The following IQSEC1 variants were observed in gnomAD, a reference collection of about 807,000 sequenced individuals.
IQSEC1 encodes IQ motif and Sec7 domain ArfGEF 1, also known as IQ motif and SEC7 domain-containing protein 1.
IQSEC1 carries 31 observed loss-of-function variants against 91.0 expected under a neutral mutation model. The ratio of observed to expected loss-of-function variants is 0.34; its 90% CI spans 0.26 to 0.46. IQSEC1 has a LOEUF of 0.46. Among genes scored for constraint, IQSEC1 ranks in the 20% least tolerant of loss-of-function variants. IQSEC1 has a pLI of 1.00. For synonymous variants in IQSEC1, 699 were observed against 662.6 expected, an observed-to-expected ratio of 1.05 and a Z score of -0.84; for missense variants, 1,388 against 1,575.6, an observed-to-expected ratio of 0.88 and a Z score of 2.02.
intron 2 of IQSEC1, among the ~76,000 whole-genome samples, chr3:13,114,596 G>C (rs1056235721): frequency 6.6e-6 from 1 of 152,012 alleles, no homozygotes; most frequent in Middle Eastern, 3.4e-3. Context: ...GTTCAATATC[G>C]GCCTGGGCAA....
chr3:12,932,091 G>C (rs567024318), intron 3 of IQSEC1, among the ~76,000 whole-genome samples: 6 of 152,330 alleles, frequency 3.9e-5, no homozygotes, highest in African/African-American at 1.2e-4. Flanking sequence ...TTCCAGGGAG[G>C]AATGTGACAG....
intron 1 of IQSEC1, among the ~76,000 whole-genome samples, chr3:13,055,825 C>T (rs945866736): frequency 2.6e-5 from 4 of 152,128 alleles, no homozygotes; most frequent in Admixed American, 6.5e-5. Flanking sequence ...GACCTCGGAA[C>T]ATCCTGGCGG....
chr3:13,114,462 A>G (rs1706302754), intron 2 of IQSEC1, among the ~76,000 whole-genome samples: 1 of 152,126 alleles, frequency 6.6e-6, no homozygotes, highest in Non-Finnish European at 1.5e-5. Context: ...TTGTGTTGTT[A>G]TTTCAAATTT....
rs1693895572 is a variant in IQSEC1 at position 12,898,707 on chromosome 3, T to C, written c.*2276A>G. ...CAGAAGAGGGTGAGAAAAGCTGACA[T>C]ACTCAATATGTAATCGCTTTACTTC... is the stretch of plus-strand genomic sequence containing the variant. On this transcript the variant is annotated 3_prime_UTR_variant, in exon 14 of 14. Transcript: ENST00000613206. 6.6e-6 allele frequency: 1 copy of C among 152,320 alleles called. No homozygotes were observed. The highest frequency in any genetic ancestry group is 6.5e-5 in the Admixed American group (1 of 15,290). 9.4% of individuals were successfully genotyped at this position (152,320 alleles called of 1,614,324 possible). A position where few individuals can be genotyped will look rare whatever the true frequency, so the allele number is the denominator to read the frequency against.
intron 2 of IQSEC1, among the ~76,000 whole-genome samples, chr3:13,135,418 A>G (rs1333469674): frequency 2.0e-5 from 3 of 152,212 alleles, no homozygotes; most frequent in African/African-American, 7.2e-5. Flanking sequence ...CTACTGCTAC[A>G]CGGGCCAGGG....
At chr3:13,269,247 C>G (rs908206237) in intron 1 of IQSEC1, among the ~76,000 whole-genome samples, 9 of 152,186 alleles carry the variant, frequency 5.9e-5, no homozygotes, top group African/African-American at 9.7e-5. Flanking sequence ...CAGGCAGGAG[C>G]GAGGCTGCTT....
intron 1 of IQSEC1, among the ~76,000 whole-genome samples, chr3:12,965,238 T>C (rs895738648): frequency 6.6e-6 from 1 of 152,218 alleles, no homozygotes; most frequent in African/African-American, 2.4e-5. Flanking sequence ...CTGTTATTTG[T>C]AGAGTGGTGC....
chr3:12,922,276 C>T lies in IQSEC1; in HGVS notation c.1731-34G>A. On this transcript the variant is annotated intron_variant, in intron 4 of 13. Transcript: ENST00000613206. The surrounding 1 kb of genome is among the most constrained non-coding windows in gnomAD (Gnocchi z 5.1). ...GAGACAGACAGCCCCGCATAAGCAC[C>T]CCTTGCAGGTGCGACACGCCCAGCC... is the stretch of plus-strand genomic sequence containing the variant. 1 of 1,518,018 alleles carries T rather than the reference C, an allele frequency of 6.6e-7. No individual in the cohort carries two copies. Among genetic ancestry groups the T allele is most frequent in the East Asian group, 2.5e-5 (1 of 40,092 alleles). The allele number at this position is 1,518,018 out of a possible 1,614,324, so 94.0% of individuals were successfully genotyped here.
chr3:13,184,290 A>C (rs981533367), intron 1 of IQSEC1, among the ~76,000 whole-genome samples: 9 of 152,214 alleles, frequency 5.9e-5, no homozygotes, highest in African/African-American at 2.2e-4. Flanking sequence ...AAATCCCACA[A>C]TGAAGCTGGT....
chr3:12,982,954 T>G (rs1701540752), intron 1 of IQSEC1, among the ~76,000 whole-genome samples: 1 of 152,256 alleles, frequency 6.6e-6, no homozygotes, highest in African/African-American at 2.4e-5. Flanking sequence ...GGTAACCCTG[T>G]CCTGAGGCTG....
intron 2 of IQSEC1, among the ~76,000 whole-genome samples, chr3:13,085,740 A>G (rs778825989): frequency 1.3e-5 from 2 of 152,254 alleles, no homozygotes; most frequent in Non-Finnish European, 2.9e-5. Context: ...ACAGACGGAC[A>G]GGAGGCCCGA....
chr3:13,197,424 G>C (rs1394539820), intron 1 of IQSEC1, among the ~76,000 whole-genome samples: 1 of 152,140 alleles, frequency 6.6e-6, no homozygotes, highest in African/African-American at 2.4e-5. Flanking sequence ...GGACGTGCTG[G>C]TGCCCGGCCC....
At chr3:13,235,444 C>G (rs1432204870) in intron 1 of IQSEC1, among the ~76,000 whole-genome samples, 1 of 152,242 alleles carries the variant, frequency 6.6e-6, no homozygotes, top group East Asian at 1.9e-4. Context: ...CTCCAGAAAC[C>G]TCCCTGCTCA....
At chr3:13,241,105 G>A (rs1326016111) in intron 1 of IQSEC1, among the ~76,000 whole-genome samples, 1 of 152,148 alleles carries the variant, frequency 6.6e-6, no homozygotes, top group East Asian at 1.9e-4. Context: ...CCTTGTCAAC[G>A]CCTCATGTCC....
intron 1 of IQSEC1, among the ~76,000 whole-genome samples, chr3:13,027,113 C>T (rs756311234): frequency 3.9e-5 from 6 of 152,138 alleles, no homozygotes; most frequent in Non-Finnish European, 7.4e-5. Flanking sequence ...ACCCTGGATC[C>T]CCCTTCTCAA....
At chr3:13,034,999 C>G (rs1479440457) in intron 1 of IQSEC1, among the ~76,000 whole-genome samples, 2 of 152,274 alleles carry the variant, frequency 1.3e-5, no homozygotes, top group Non-Finnish European at 2.9e-5. Context: ...CCAGTGGTCC[C>G]TGGAGGCTCT....
At chr3:13,217,466 G>T (rs1190073626) in intron 1 of IQSEC1, among the ~76,000 whole-genome samples, 1 of 152,176 alleles carries the variant, frequency 6.6e-6, no homozygotes, top group African/African-American at 2.4e-5. Context: ...TCCACTGTGT[G>T]GAAGTACCAA....
At chr3:13,013,440 C>G (rs888001518) in intron 1 of IQSEC1, among the ~76,000 whole-genome samples, 3 of 152,230 alleles carry the variant, frequency 2.0e-5, no homozygotes, top group African/African-American at 7.2e-5. Context: ...GCATGCAGGT[C>G]AGAGGACAGC....
rs1441173569 is a variant in IQSEC1 at position 12,922,821 on chromosome 3, C to G, written c.1731-579G>C. On this transcript the variant is annotated intron_variant, in intron 4 of 13. Transcript: ENST00000613206. This position sits in a 1 kb window ranked among gnomAD's most constrained non-coding sequence, Gnocchi z 5.1. ...GCGGCTGATGAATGGTCTCCACATTCTTCCCATGGCCCTGCCCCGGCACAC... is the reference window on the plus strand; with the variant it reads ...GCGGCTGATGAATGGTCTCCACATTGTTCCCATGGCCCTGCCCCGGCACAC... 1.3e-5 allele frequency among the ~76,000 whole-genome samples: 2 copies of G among 151,176 alleles called. No individual in the cohort carries two copies. The highest frequency in any genetic ancestry group is 2.5e-5 in the African/African-American group (1 of 40,510).
Sources: allele counts gnomAD v4.1 joint callset (sites outside exome capture counted in the v4.1 genomes callset), GRCh38; gene constraint gnomAD v4.1.1; non-coding constraint Gnocchi (gnomAD v3.1); transcripts MANE v1.5; gene names NCBI Gene and HGNC (gene_info 2026-07-23, HGNC 2026-07-21).